Variants in WDR27 observed in about 807,000 individuals in gnomAD.
WDR27 encodes the protein WD repeat-containing protein 27.
In WDR27, 100 loss-of-function variants were observed where a neutral mutation model predicts 114.4. That is an observed-to-expected ratio of 0.87 (90% confidence interval 0.74 to 1.03). The LOEUF is 1.03. WDR27 is among the 50% of genes least tolerant of loss of function. The pLI is 0.00. For missense variants in WDR27, 1,129 were observed against 1,092.9 expected (o/e 1.03, Z -0.47); for synonymous variants, 449 against 423.1 (o/e 1.06, Z -0.75).
At chr6:169,628,695 T>G (rs970085673) in intron 21 of WDR27, among the ~76,000 whole-genome samples, 3 of 152,192 alleles carry the variant, frequency 2.0e-5, no homozygotes, top group African/African-American at 7.2e-5. Flanking sequence ...CCACATCATT[T>G]TATAGTGCTT....
chr6:169,483,394 T>G (rs1057467139), intron 25 of WDR27, among the ~76,000 whole-genome samples: 1 of 152,186 alleles, frequency 6.6e-6, no homozygotes, highest in East Asian at 1.9e-4. Context: ...AATACCTCTA[T>G]GCATACGAAC....
rs573337266 is a variant in WDR27 at position 169,585,350 on chromosome 6, T to C, written c.2425-2416A>G. Among the ~76,000 whole-genome samples, 265 of 152,310 alleles carry C rather than the reference T, an allele frequency of 1.7e-3. 1 individual carries two copies. The highest frequency in any genetic ancestry group is 3.0e-3 in the Non-Finnish European group (202 of 68,032). Reference sequence around the variant, plus strand: ...ATAAAATAATCACCTAAAAGAACTATTTTAATGTAAGAATGAGTCCTTCAG... The same window carrying C: ...ATAAAATAATCACCTAAAAGAACTACTTTAATGTAAGAATGAGTCCTTCAG... On this transcript the variant is annotated intron_variant, in intron 23 of 25. Coordinates refer to ENST00000448612, the MANE Select transcript of WDR27 (RefSeq NM_182552.5).
At chr6:169,470,367 A>C (rs1786197941) in intron 25 of WDR27, among the ~76,000 whole-genome samples, 1 of 152,214 alleles carries the variant, frequency 6.6e-6, no homozygotes, top group Non-Finnish European at 1.5e-5. Flanking sequence ...GACTCTATCC[A>C]TCACCTTTCA....
intron 25 of WDR27, among the ~76,000 whole-genome samples, chr6:169,492,118 G>C (rs1383990460): frequency 6.6e-6 from 1 of 151,708 alleles, no homozygotes; most frequent in African/African-American, 2.4e-5. Flanking sequence ...TCTGCAAAGA[G>C]ATGAATGGGC....
In WDR27 at chr6:169,636,449, G is replaced by A; in HGVS notation, c.1925C>T (p.Ala642Val). The change falls in exon 19 of 26, where the codon GCC becomes GTC. Residue 642 changes from alanine to valine, a missense_variant. Coordinates refer to ENST00000448612, the MANE Select transcript of WDR27 (RefSeq NM_182552.5). The stretch of plus-strand genomic sequence containing the variant: ...AGGGCCAGAAGATAACAATATAAAG[G>A]CATCTATATAATAGAACTGTGCAGA... ...IQSAQFYYID[A>V]FILLSSGPEF... 2 of 1,613,644 alleles carry A rather than the reference G, an allele frequency of 1.2e-6. No homozygotes were observed. The highest frequency in any genetic ancestry group is 1.7e-6 in the Non-Finnish European group (2 of 1,179,704).
At chr6:169,690,270 C>G (rs1243223267) in intron 1 of WDR27, among the ~76,000 whole-genome samples, 1 of 152,182 alleles carries the variant, frequency 6.6e-6, no homozygotes, top group Non-Finnish European at 1.5e-5. Flanking sequence ...ACACTGGTCA[C>G]GTGGATTCGA....
intron 25 of WDR27, among the ~76,000 whole-genome samples, chr6:169,525,198 A>T (rs1454786106): frequency 6.6e-6 from 1 of 152,200 alleles, no homozygotes; most frequent in African/African-American, 2.4e-5. Flanking sequence ...TCATCAGATA[A>T]ATGTACATTA....
chr6:169,623,870 G>A (rs1813974516), intron 21 of WDR27, among the ~76,000 whole-genome samples: 1 of 152,124 alleles, frequency 6.6e-6, no homozygotes, highest in South Asian at 2.1e-4. Flanking sequence ...CTGGCTGAGG[G>A]CACACTTCTC....
the WDR27 span, among the ~76,000 whole-genome samples, chr6:169,447,413 G>A: frequency 6.6e-6 from 1 of 151,942 alleles, no homozygotes; most frequent in African/African-American, 2.4e-5. Context: ...CATTTTAGTG[G>A]GAAATCTCTG....
rs1825177396 is a variant in WDR27 at position 169,659,071 on chromosome 6, T to C, written c.1319+15A>G. 6.5e-7 allele frequency: 1 copy of C among 1,533,518 alleles called. No individual in the cohort carries two copies. The highest frequency in any genetic ancestry group is 8.7e-7 in the Non-Finnish European group (1 of 1,142,994). 95.0% of individuals were successfully genotyped at this position (1,533,518 alleles called of 1,614,324 possible). A position where few individuals can be genotyped will look rare whatever the true frequency, so the allele number is the denominator to read the frequency against. Reference sequence around the variant, plus strand: ...GTGAACACACACACACACTCCACACTTGAAGACACTCTACCTGGCTGGCAC... The same window carrying C: ...GTGAACACACACACACACTCCACACCTGAAGACACTCTACCTGGCTGGCAC... On this transcript the variant is annotated intron_variant, in intron 12 of 25. Coordinates refer to ENST00000448612, the MANE Select transcript of WDR27 (RefSeq NM_182552.5). This position sits in a 1 kb window ranked among gnomAD's most constrained non-coding sequence, Gnocchi z 4.3.
chr6:169,599,324 T>C (rs10945445), intron 23 of WDR27, among the ~76,000 whole-genome samples: 4,698 of 152,330 alleles, frequency 0.031, 245 homozygotes, highest in African/African-American at 0.11. Flanking sequence ...GTATTTGACA[T>C]AGAGCTATTC....
At chr6:169,647,516 C>A (rs1584879131) in intron 16 of WDR27, 2 of 569,250 alleles carry the variant, frequency 3.5e-6, no homozygotes, top group East Asian at 6.4e-5. Flanking sequence ...CACAGAACAG[C>A]AAATTCGCTG....
intron 13 of WDR27, among the ~76,000 whole-genome samples, chr6:169,652,861 A>C (rs1277211130): frequency 6.6e-6 from 1 of 152,252 alleles, no homozygotes; most frequent in African/African-American, 2.4e-5. Flanking sequence ...ACCACAGTAC[A>C]TCACATATGC....
downstream of WDR27, among the ~76,000 whole-genome samples, chr6:169,453,224 T>C (rs1184395841): frequency 2.0e-5 from 3 of 152,192 alleles, no homozygotes; most frequent in East Asian, 5.8e-4. Flanking sequence ...AAAAATTTGC[T>C]GTAGGTTTTG....
chr6:169,543,163 C>T lies in WDR27; in HGVS notation c.2645+29256G>A, dbSNP rs578131553. Among the ~76,000 whole-genome samples the T allele has an allele frequency of 3.3e-5, 5 of 152,042 alleles. No individual in the cohort carries two copies. In the South Asian group the frequency reaches 8.3e-4, roughly 25 times the overall value. On this transcript the variant is annotated intron_variant, in intron 25 of 25. Transcript: ENST00000448612. ...TAAAATATATAGTATTTTACATATT[C>T]GTTTTATATCTTTTCTATAAGTTTC...
chr6:169,673,412 T>C (rs1320536511), intron 2 of WDR27, among the ~76,000 whole-genome samples: 4 of 151,748 alleles, frequency 2.6e-5, no homozygotes, highest in Non-Finnish European at 1.5e-5. Flanking sequence ...TAAATATATA[T>C]ATACACACAC....
At chr6:169,694,315 A>AAAAT (rs1475120975) in intron 1 of WDR27, among the ~76,000 whole-genome samples, 2 of 152,322 alleles carry the variant, frequency 1.3e-5, no homozygotes, top group South Asian at 2.1e-4. Flanking sequence ...TTGTCTCAAA[A>AAAAT]AAATAAATAA....
chr6:169,628,530 T>C (rs575476745), intron 21 of WDR27, among the ~76,000 whole-genome samples: 1 of 152,278 alleles, frequency 6.6e-6, no homozygotes, highest in Admixed American at 6.5e-5. Context: ...ATTCAATCTT[T>C]CTATTTCTCC....
chr6:169,673,928 G>A (rs1779438184), intron 2 of WDR27, among the ~76,000 whole-genome samples: 1 of 152,132 alleles, frequency 6.6e-6, no homozygotes, highest in Non-Finnish European at 1.5e-5. Flanking sequence ...CTTAGAATGG[G>A]AACCCCAAAA....
Sources: allele counts gnomAD v4.1 joint callset (sites outside exome capture counted in the v4.1 genomes callset), GRCh38; gene constraint gnomAD v4.1.1; non-coding constraint Gnocchi (gnomAD v3.1); transcripts MANE v1.5; gene names NCBI Gene and HGNC (gene_info 2026-07-23, HGNC 2026-07-21).